ZFHX3: variants seen among roughly 807,000 people sequenced by gnomAD.
ZFHX3 encodes zinc finger homeobox 3, also known as zinc finger homeobox protein 3.
Under a neutral mutation model 279.1 loss-of-function variants are expected in ZFHX3, and 42 were observed. The ratio of observed to expected loss-of-function variants is 0.15; its 90% CI spans 0.12 to 0.19. The LOEUF (loss-of-function observed/expected upper bound fraction) is 0.19. ZFHX3 is among the 10% of genes least tolerant of loss of function. The pLI, the probability that ZFHX3 is intolerant of heterozygous loss-of-function variation, is 1.00. For missense variants in ZFHX3, 4,981 were observed against 4,754.0 expected (o/e 1.05, Z -1.40); for synonymous variants, 2,293 against 1,957.8 (o/e 1.17, Z -4.52).
intron 1 of ZFHX3, among the ~76,000 whole-genome samples, chr16:73,865,692 A>C (rs1202673700): frequency 6.6e-6 from 1 of 152,048 alleles, no homozygotes; most frequent in Non-Finnish European, 1.5e-5. Context: ...AAAACATGTT[A>C]CTGCCAGCCA....
At chr16:73,340,757 C>A (rs1009226239) in intron 3 of ZFHX3, among the ~76,000 whole-genome samples, 1 of 152,044 alleles carries the variant, frequency 6.6e-6, no homozygotes, top group African/African-American at 2.4e-5. Flanking sequence ...ATCCCTCCAA[C>A]CACAAAAAAG....
At chr16:73,402,207 C>T (rs2017270538) in intron 3 of ZFHX3, 1 of 152,132 alleles carries the variant, frequency 6.6e-6, no homozygotes, top group Non-Finnish European at 1.5e-5. Flanking sequence ...TTTTCTTGAT[C>T]ACACCATCCG....
chr16:72,950,414 G>T, intron 3 of ZFHX3, 55 bp downstream of exon 3: 3 of 1,582,950 alleles, frequency 1.9e-6, no homozygotes, highest in Non-Finnish European at 2.6e-6. Flanking sequence ...ACTCCCCGGT[G>T]CGCAACCCCC....
chr16:73,163,791 G>C (rs1967297505), intron 5 of ZFHX3, among the ~76,000 whole-genome samples: 2 of 151,840 alleles, frequency 1.3e-5, no homozygotes, highest in Non-Finnish European at 2.9e-5. Flanking sequence ...AAGGGTATTT[G>C]GTAACTTTCC....
chr16:73,008,911 C>CGTGTGTGTGTGTGTGT (rs5817822), intron 1 of ZFHX3, among the ~76,000 whole-genome samples: 21 of 149,716 alleles, frequency 1.4e-4, no homozygotes, highest in African/African-American at 4.4e-4. Flanking sequence ...AAAGTATATA[C>CGTGTGTGTGTGTGTGT]GTGTGTGTGT....
chr16:72,947,159 GC>G (rs2144374350), intron 3 of ZFHX3, among the ~76,000 whole-genome samples: 1 of 152,326 alleles, frequency 6.6e-6, no homozygotes, highest in African/African-American at 2.4e-5. Context: ...GTAACCTGAG[GC>G]CCAGAGACAA....
At chr16:73,683,002 AGAAAGAAAGAGAAAGGAG>A in intron 1 of ZFHX3, among the ~76,000 whole-genome samples, 2 of 86,502 alleles carry the variant, frequency 2.3e-5, no homozygotes, top group Non-Finnish European at 5.7e-5. Context: ...AAAGAAAGAA[AGAAAGAAAGAGAAAGGAG>A]GGAGGGAGGG....
intron 2 of ZFHX3, among the ~76,000 whole-genome samples, chr16:73,533,850 A>G (rs1007621376): frequency 9.2e-5 from 14 of 152,102 alleles, no homozygotes; most frequent in Admixed American, 8.5e-4. Context: ...CTAAATGTAC[A>G]CAGAATCCAA....
At chr16:73,028,861 CT>C (rs577384158) in intron 1 of ZFHX3, among the ~76,000 whole-genome samples, 1 of 152,222 alleles carries the variant, frequency 6.6e-6, no homozygotes, top group African/African-American at 2.4e-5. Context: ...GCAGGGAAAC[CT>C]TTTCGGCAAC....
chr16:73,610,854 G>C (rs1254948762), intron 2 of ZFHX3, among the ~76,000 whole-genome samples: 1 of 152,202 alleles, frequency 6.6e-6, no homozygotes, highest in African/African-American at 2.4e-5. Context: ...TAAATTCAAA[G>C]GATTGTCAAA....
chr16:73,063,080 C>T (rs1490582312), upstream of ZFHX3, among the ~76,000 whole-genome samples: 3 of 152,234 alleles, frequency 2.0e-5, no homozygotes, highest in South Asian at 4.1e-4. Context: ...CCGGCAGCCT[C>T]GTCCTTTTGT....
intron 1 of ZFHX3, among the ~76,000 whole-genome samples, chr16:73,883,381 A>T (rs886640517): frequency 6.7e-6 from 1 of 148,976 alleles, no homozygotes; most frequent in Non-Finnish European, 1.5e-5. Context: ...TAAACACAGT[A>T]GCACATAAGC....
rs144240539 is a variant in ZFHX3 at position 73,222,032 on chromosome 16, C to A, written c.-1104+35015G>T. On this transcript the variant is annotated intron_variant, in intron 5 of 17. Coordinates refer to the ZFHX3 transcript ENST00000641206. ...AAAATTTTCCCTATTATACATAACT[C>A]AATGATGAACTCTTTTTTTCACATC... Among the ~76,000 whole-genome samples, 301 of 152,114 alleles carry A rather than the reference C, an allele frequency of 2.0e-3. 2 individuals carry two copies. Among genetic ancestry groups the A allele is most frequent in the Middle Eastern group, 6.8e-3 (2 of 294 alleles).
intron 2 of ZFHX3, among the ~76,000 whole-genome samples, chr16:73,459,538 A>T (rs1834012): frequency 0.69 from 104,258 of 151,912 alleles, 36,153 homozygotes; most frequent in Non-Finnish European, 0.72. Flanking sequence ...ATTTTTGTAA[A>T]TTTTTTTTAA....
At chr16:72,910,197 G>A (rs1283477021) in intron 3 of ZFHX3, among the ~76,000 whole-genome samples, 2 of 152,188 alleles carry the variant, frequency 1.3e-5, no homozygotes, top group African/African-American at 4.8e-5. Flanking sequence ...ACGCCACTTT[G>A]AACGAACCTA....
chr16:73,132,934 G>A, intron 6 of ZFHX3, among the ~76,000 whole-genome samples: 1 of 152,354 alleles, frequency 6.6e-6, no homozygotes, highest in South Asian at 2.1e-4. Flanking sequence ...TCGTGATGGA[G>A]AAATTCATGA....
intron 3 of ZFHX3, among the ~76,000 whole-genome samples, chr16:73,377,954 A>G (rs1286438092): frequency 7.2e-6 from 1 of 138,068 alleles, no homozygotes; most frequent in East Asian, 2.4e-4. Flanking sequence ...AATGGCGTGA[A>G]CCCGGGAGGC....
In ZFHX3 at chr16:73,259,320, T is replaced by C. The variant is rs547627048; in HGVS notation, c.-1193-2184A>G. Among the ~76,000 whole-genome samples, 33 of 152,368 alleles carry C rather than the reference T, an allele frequency of 2.2e-4. No homozygotes were observed. The South Asian group carries it at 6.0e-3, about 28-fold the overall frequency. On this transcript the variant is annotated intron_variant, in intron 4 of 17. Transcript: ENST00000641206. ...TCCCTCCAACACACTGTAAGATTATTCATTTCTTCACATCCTTGCCAACGT... is the reference window on the plus strand; with the variant it reads ...TCCCTCCAACACACTGTAAGATTATCCATTTCTTCACATCCTTGCCAACGT...
chr16:72,834,984 A>G (rs1309433088), intron 4 of ZFHX3, among the ~76,000 whole-genome samples: 1 of 152,172 alleles, frequency 6.6e-6, no homozygotes, highest in East Asian at 1.9e-4. Context: ...AACCTTCCCC[A>G]AACCTGACAA....
Sources: allele counts gnomAD v4.1 joint callset (sites outside exome capture counted in the v4.1 genomes callset), GRCh38; gene constraint gnomAD v4.1.1; transcripts MANE v1.5; gene names NCBI Gene and HGNC (gene_info 2026-07-23, HGNC 2026-07-21).